Variants in TRPM3 observed in about 807,000 individuals in gnomAD.
TRPM3 encodes the protein transient receptor potential cation channel subfamily M member 3.
A neutral mutation model predicts 181.2 loss-of-function variants in TRPM3; 77 were observed. The observed-to-expected ratio is 0.42, with a 90% CI of 0.35 to 0.51. TRPM3 has a LOEUF of 0.51. TRPM3 is among the 20% of genes least tolerant of loss of function. The pLI is 0.01. For synonymous variants in TRPM3, 745 were observed against 796.4 expected (o/e 0.94, Z 1.09); for missense variants, 1,759 against 2,196.7 (o/e 0.80, Z 3.98).
chr9:71,198,571 T>C (rs1344018268), intron 1 of TRPM3, among the ~76,000 whole-genome samples: 2 of 152,072 alleles, frequency 1.3e-5, no homozygotes, highest in Middle Eastern at 3.2e-3. Context: ...GTAGTTCTCC[T>C]TGAAGAGGTC....
At chr9:71,071,278 G>T (rs1340119182) in intron 1 of TRPM3, among the ~76,000 whole-genome samples, 1 of 152,168 alleles carries the variant, frequency 6.6e-6, no homozygotes, top group Non-Finnish European at 1.5e-5. Context: ...CCTCCTGCAA[G>T]CCCTGGACTG....
At chr9:70,541,085 G>C (rs889142531) in intron 25 of TRPM3, among the ~76,000 whole-genome samples, 1 of 152,188 alleles carries the variant, frequency 6.6e-6, no homozygotes, top group Admixed American at 6.5e-5. Context: ...GACACATAAA[G>C]TGAGTAGTAG....
chr9:71,184,829 G>T (rs909179497), intron 1 of TRPM3, among the ~76,000 whole-genome samples: 1 of 152,072 alleles, frequency 6.6e-6, no homozygotes, highest in African/African-American at 2.4e-5. Flanking sequence ...TTCATGTGTT[G>T]CTTAGGCCAG....
intron 1 of TRPM3, among the ~76,000 whole-genome samples, chr9:71,101,301 C>T (rs1400319298): frequency 6.6e-6 from 1 of 152,172 alleles, no homozygotes; most frequent in Admixed American, 6.6e-5. Flanking sequence ...AATACCTCCA[C>T]AGTCAGTCGC....
chr9:70,642,290 C>G (rs2058177966), intron 9 of TRPM3, among the ~76,000 whole-genome samples: 1 of 152,142 alleles, frequency 6.6e-6, no homozygotes, highest in Non-Finnish European at 1.5e-5. Flanking sequence ...AAAGATAAAA[C>G]AGCTACTAAC....
At chr9:70,797,296 C>G (rs2087364540) in intron 6 of TRPM3, among the ~76,000 whole-genome samples, 1 of 152,038 alleles carries the variant, frequency 6.6e-6, no homozygotes, top group Non-Finnish European at 1.5e-5. Context: ...TACCAAATGC[C>G]CAGCGTCTGT....
chr9:70,862,872 T>C (rs773861655), intron 3 of TRPM3, 36 bp downstream of exon 3: 4 of 1,603,722 alleles, frequency 2.5e-6, no homozygotes, highest in South Asian at 1.1e-5. Flanking sequence ...AGACTTGAGA[T>C]AGCATTTGGG....
At chr9:70,651,278 T>C (rs553505048) in intron 9 of TRPM3, among the ~76,000 whole-genome samples, 3 of 152,356 alleles carry the variant, frequency 2.0e-5, no homozygotes, top group East Asian at 3.9e-4. Context: ...TAATAGATTT[T>C]GCTCTTTTGT....
At chr9:70,809,868 C>T (rs7861254) in intron 6 of TRPM3, 124,526 of 483,696 alleles carry the variant, frequency 0.26, 18,318 homozygotes, top group African/African-American at 0.51. Context: ...CTTTAACATA[C>T]AGTGTTTTTC....
intron 1 of TRPM3, among the ~76,000 whole-genome samples, chr9:71,346,910 G>C (rs2091331843): frequency 6.6e-6 from 1 of 152,076 alleles, no homozygotes. Flanking sequence ...CGGATAGTCA[G>C]GATACAACAT....
At chr9:71,109,821 A>C (rs2070650991) in intron 1 of TRPM3, among the ~76,000 whole-genome samples, 1 of 152,176 alleles carries the variant, frequency 6.6e-6, no homozygotes, top group Non-Finnish European at 1.5e-5. Context: ...TTGGGCCAGA[A>C]TCTTTTTACC....
rs143375860 is a variant in TRPM3 at position 70,818,052 on chromosome 9, G to A, written c.973+9795C>T. On this transcript the variant is annotated intron_variant, in intron 6 of 25. Transcript: ENST00000677713. Reference sequence around the variant, plus strand: ...GCACAACATTAACGTCAGTGTTGGCGTCAGAGACATTGGTAAATTTATTGA... The same window carrying A: ...GCACAACATTAACGTCAGTGTTGGCATCAGAGACATTGGTAAATTTATTGA... Among the ~76,000 whole-genome samples the A allele has an allele frequency of 1.1e-4, 16 of 152,180 alleles. No homozygotes were observed. The East Asian group carries it at 1.9e-3, about 18-fold the overall frequency.
rs183703335 is a variant in TRPM3 at position 70,629,376 on chromosome 9, C to T, written c.1633-3859G>A. Among the ~76,000 whole-genome samples, 155 of 152,186 alleles carry T rather than the reference C, an allele frequency of 1.0e-3. 1 individual carries two copies. The highest frequency in any genetic ancestry group is 1.6e-3 in the Non-Finnish European group (111 of 67,998). ...TTGAGACGGAGTTTCACTCTTGTCGCCCAGGCTGGAGTGCAATGGTGTGAT... is the reference window on the plus strand; with the variant it reads ...TTGAGACGGAGTTTCACTCTTGTCGTCCAGGCTGGAGTGCAATGGTGTGAT... On this transcript the variant is annotated intron_variant, in intron 12 of 25. Transcript: ENST00000677713.
At chr9:70,928,807 C>G (rs932725105) in intron 1 of TRPM3, among the ~76,000 whole-genome samples, 1 of 152,154 alleles carries the variant, frequency 6.6e-6, no homozygotes, top group Admixed American at 6.6e-5. Context: ...AGAGGCCTGG[C>G]TGATCTTGGC....
intron 7 of TRPM3, among the ~76,000 whole-genome samples, chr9:70,778,657 A>G (rs2081923885): frequency 6.6e-6 from 1 of 152,208 alleles, no homozygotes; most frequent in South Asian, 2.1e-4. Flanking sequence ...GGATACATGA[A>G]GCCAGCATGC....
At chr9:71,253,667 G>T (rs1232819942) in intron 1 of TRPM3, among the ~76,000 whole-genome samples, 1 of 152,028 alleles carries the variant, frequency 6.6e-6, no homozygotes, top group Non-Finnish European at 1.5e-5. Flanking sequence ...ATTAAAAATA[G>T]AACTACCATA....
intron 11 of TRPM3, among the ~76,000 whole-genome samples, chr9:70,638,254 C>G (rs2057531494): frequency 6.6e-6 from 1 of 152,108 alleles, no homozygotes; most frequent in Admixed American, 6.5e-5. Context: ...CTTGCCAGAG[C>G]CTTGATTTTA....
chr9:70,567,237 A>G (rs561666727), intron 22 of TRPM3, among the ~76,000 whole-genome samples: 1 of 152,348 alleles, frequency 6.6e-6, no homozygotes, highest in East Asian at 1.9e-4. Flanking sequence ...AGACAGTTTC[A>G]CTCAACAATG....
chr9:70,929,088 A>G (rs1425508635), intron 1 of TRPM3, among the ~76,000 whole-genome samples: 1 of 152,166 alleles, frequency 6.6e-6, no homozygotes, highest in Non-Finnish European at 1.5e-5. Flanking sequence ...TGGTTGTTCT[A>G]GCCATCCTCA....
Sources: gnomAD v4.1 joint callset for allele counts (sites outside exome capture counted in the v4.1 genomes callset) on GRCh38, gnomAD v4.1.1 for gene constraint, MANE v1.5 for transcripts, NCBI Gene and HGNC (gene_info 2026-07-23, HGNC 2026-07-21) for gene names.